The following TCF4 variants were observed in gnomAD, a reference collection of about 807,000 sequenced individuals.
The protein encoded by TCF4 is transcription factor 4, also known as SL3-3 enhancer factor 2.
In TCF4, 3 loss-of-function variants were observed where a neutral mutation model predicts 82.1. That is an observed-to-expected ratio of 0.04 (90% CI 0.02 to 0.09). TCF4 has a LOEUF of 0.09. TCF4 is among the 10% of genes least tolerant of loss of function. The pLI, the probability that TCF4 is intolerant of heterozygous loss-of-function variation, is 1.00. For missense variants in TCF4, 518 were observed against 852.7 expected, an observed-to-expected ratio of 0.61 and a Z score of 4.89; for synonymous variants, 276 against 309.6, an observed-to-expected ratio of 0.89 and a Z score of 1.14.
intron 3 of TCF4, among the ~76,000 whole-genome samples, chr18:55,573,862 A>C (rs2097501702): frequency 6.6e-6 from 1 of 152,202 alleles, no homozygotes; most frequent in South Asian, 2.1e-4. Context: ...TTTTATATAG[A>C]GCTGCCAAAG....
rs374943022 is a variant in TCF4 at position 55,609,522 on chromosome 18, G to A, written c.286+21776C>T. On this transcript the variant is annotated intron_variant, in intron 2 of 20. Transcript: ENST00000398339. ...GAGGCAGCCTCAGAACTACTGAAAC[G>A]GGTGTGCTTATGGCTTGTGTGTACA... Among the ~76,000 whole-genome samples the A allele has an allele frequency of 1.1e-4, 17 of 152,278 alleles. No homozygotes were observed. The South Asian group carries it at 2.7e-3, about 24-fold the overall frequency.
intron 3 of TCF4, among the ~76,000 whole-genome samples, chr18:55,555,126 C>T (rs1384647251): frequency 6.6e-6 from 1 of 152,050 alleles, no homozygotes; most frequent in African/African-American, 2.4e-5. Context: ...ATTTTTTGTC[C>T]TTCCATTGAA....
chr18:55,589,265 C>G (rs2147915433), upstream of TCF4: 13 of 1,050,136 alleles, frequency 1.2e-5, no homozygotes, highest in South Asian at 4.6e-4. Flanking sequence ...CAATTACAAA[C>G]AGTTTACTCT....
intron 3 of TCF4, among the ~76,000 whole-genome samples, chr18:55,524,609 C>T (rs901400798): frequency 2.6e-5 from 4 of 152,110 alleles, no homozygotes; most frequent in African/African-American, 9.7e-5. Flanking sequence ...AATACAAAGG[C>T]AGTCCCCTTC....
chr18:55,343,490 T>C (rs938367602), intron 8 of TCF4, among the ~76,000 whole-genome samples: 11 of 152,172 alleles, frequency 7.2e-5, no homozygotes, highest in African/African-American at 2.7e-4. Context: ...TGGGTGTCAC[T>C]AAACCACTTA....
chr18:55,450,396 G>A lies in TCF4; in HGVS notation c.304+10623C>T, dbSNP rs117689116. ...ATCATCAAGAAGATGAAAAATGTTCGAGCTGTGTCTATTAACCACTTAGAA... is the reference window on the plus strand; with the variant it reads ...ATCATCAAGAAGATGAAAAATGTTCAAGCTGTGTCTATTAACCACTTAGAA... On this transcript the variant is annotated intron_variant, in intron 5 of 19. Coordinates refer to ENST00000354452, the MANE Select transcript of TCF4 (RefSeq NM_001083962.2). Among the ~76,000 whole-genome samples the A allele has an allele frequency of 4.1e-3, 626 of 152,266 alleles. 5 individuals are homozygous for A. The highest frequency in any genetic ancestry group is 7.3e-3 in the Non-Finnish European group (496 of 68,032).
intron 6 of TCF4, 160 bp from the exon 7 acceptor site, chr18:55,351,163 AAG>A: frequency 1.2e-6 from 1 of 828,858 alleles, no homozygotes; most frequent in Non-Finnish European, 1.9e-6. Context: ...AAGGCAGTCT[AAG>A]AAGCTATCAC....
At chr18:55,498,228 C>T (rs1051825286) in intron 3 of TCF4, among the ~76,000 whole-genome samples, 6 of 152,218 alleles carry the variant, frequency 3.9e-5, no homozygotes, top group African/African-American at 1.2e-4. Context: ...GCAAGTACAG[C>T]ACCTGGGGGC....
At chr18:55,614,591 T>C (rs990252439) in intron 2 of TCF4, among the ~76,000 whole-genome samples, 1 of 152,236 alleles carries the variant, frequency 6.6e-6, no homozygotes, top group Non-Finnish European at 1.5e-5. Flanking sequence ...AATCATTTTC[T>C]CTTTTAAAAT....
At chr18:55,260,349 C>G (rs1322515665) in intron 12 of TCF4, among the ~76,000 whole-genome samples, 1 of 152,170 alleles carries the variant, frequency 6.6e-6, no homozygotes, top group Non-Finnish European at 1.5e-5. Context: ...CTTTCCTCAT[C>G]TACACAATGA....
chr18:55,508,771 T>C (rs2075401002), intron 3 of TCF4, among the ~76,000 whole-genome samples: 1 of 152,164 alleles, frequency 6.6e-6, no homozygotes, highest in African/African-American at 2.4e-5. Flanking sequence ...CCTCCTTTTA[T>C]TCCTAGGAAC....
intron 5 of TCF4, among the ~76,000 whole-genome samples, chr18:55,433,125 T>G (rs532854632): frequency 6.6e-6 from 1 of 152,350 alleles, no homozygotes; most frequent in Non-Finnish European, 1.5e-5. Flanking sequence ...CATCTACCTG[T>G]GTTGCCCACC....
chr18:55,308,441 C>T (rs770956073), intron 8 of TCF4, among the ~76,000 whole-genome samples: 2 of 152,116 alleles, frequency 1.3e-5, no homozygotes, highest in Non-Finnish European at 2.9e-5. Context: ...GAGGCATGAG[C>T]TCTGTAAAAT....
At chr18:55,399,829 TTCTCTCTCTC>T (rs147568400) in intron 6 of TCF4, among the ~76,000 whole-genome samples, 1 of 80,774 alleles carries the variant, frequency 1.2e-5, no homozygotes, top group African/African-American at 4.6e-5. Flanking sequence ...GCAGCTTTCT[TTCTCTCTCTC>T]TCTCTCTCTC....
rs568740872 is a variant in TCF4, at chr18:55,334,652, C to T, written c.549+15707G>A. On this transcript the variant is annotated intron_variant, in intron 8 of 19. Coordinates refer to ENST00000354452, the MANE Select transcript of TCF4 (RefSeq NM_001083962.2). ...AATTCAAAAATAAAATAAGTGATACCAGTAATTTGGGTTGTCAAGTTGAAT... is the reference window on the plus strand; with the variant it reads ...AATTCAAAAATAAAATAAGTGATACTAGTAATTTGGGTTGTCAAGTTGAAT... 3.5e-4 allele frequency among the ~76,000 whole-genome samples: 54 copies of T among 152,140 alleles called. 1 individual carries two copies. The highest frequency in any genetic ancestry group is 1.3e-3 in the African/African-American group (53 of 41,530).
chr18:55,444,441 T>G (rs968040776), intron 5 of TCF4, among the ~76,000 whole-genome samples: 9 of 152,090 alleles, frequency 5.9e-5, no homozygotes, highest in African/African-American at 2.2e-4. Flanking sequence ...GAATACAAGG[T>G]GTGATTAAAC....
At chr18:55,320,647 G>T (rs370991279) in intron 8 of TCF4, among the ~76,000 whole-genome samples, 22 of 152,312 alleles carry the variant, frequency 1.4e-4, no homozygotes, top group East Asian at 1.2e-3. Flanking sequence ...TGAAAGCTCT[G>T]ATCTGTCCCC....
chr18:55,338,669 C>T (rs572277505), intron 8 of TCF4, among the ~76,000 whole-genome samples: 1 of 152,200 alleles, frequency 6.6e-6, no homozygotes, highest in East Asian at 1.9e-4. Flanking sequence ...TTCATTGATT[C>T]TTAGGGAGGA....
intron 10 of TCF4, among the ~76,000 whole-genome samples, chr18:55,273,374 A>T (rs887013994): frequency 5.9e-5 from 9 of 152,188 alleles, no homozygotes; most frequent in Non-Finnish European, 1.2e-4. Context: ...GCTTTTTCTT[A>T]AACTATCCCT....
Sources: gnomAD v4.1 joint callset for allele counts (sites outside exome capture counted in the v4.1 genomes callset) on GRCh38, gnomAD v4.1.1 for gene constraint, MANE v1.5 for transcripts, NCBI Gene and HGNC (gene_info 2026-07-23, HGNC 2026-07-21) for gene names.